The following CAMK1D variants were observed in gnomAD, a reference collection of about 807,000 sequenced individuals.
The protein encoded by CAMK1D is calcium/calmodulin dependent protein kinase ID.
Under a neutral mutation model 47.7 loss-of-function variants are expected in CAMK1D, and 9 were observed. That is an observed-to-expected ratio of 0.19 (90% CI 0.11 to 0.33). The LOEUF (loss-of-function observed/expected upper bound fraction) is 0.33. CAMK1D is among the 10% of genes least tolerant of loss of function. The pLI is 1.00. For missense variants in CAMK1D, 291 were observed against 488.7 expected (o/e 0.60, Z 3.81); for synonymous variants, 184 against 184.9 (o/e 0.99, Z 0.04).
chr10:12,413,609 G>A (rs113719496), intron 1 of CAMK1D, among the ~76,000 whole-genome samples: 9 of 88 alleles, frequency 0.1, no homozygotes, highest in African/African-American at 0.16. Context: ...GATGATGATG[G>A]TGATGCTAAT....
At chr10:12,449,574 T>A (rs1833021985) in intron 1 of CAMK1D, among the ~76,000 whole-genome samples, 1 of 150,042 alleles carries the variant, frequency 6.7e-6, no homozygotes, top group South Asian at 2.1e-4. Flanking sequence ...TGTATACATA[T>A]ATCAAAACAT....
chr10:12,659,157 G>A (rs1840202012), intron 2 of CAMK1D, among the ~76,000 whole-genome samples: 1 of 152,148 alleles, frequency 6.6e-6, no homozygotes, highest in South Asian at 2.1e-4. Context: ...TCCCCCTGTC[G>A]CACACCCTGC....
At chr10:12,422,051 C>T (rs370720733) in intron 1 of CAMK1D, among the ~76,000 whole-genome samples, 4 of 152,202 alleles carry the variant, frequency 2.6e-5, no homozygotes, top group South Asian at 4.1e-4. Context: ...TCAGGTGATC[C>T]GCCCGCCTTG....
chr10:12,747,870 G>A (rs918883447), intron 3 of CAMK1D, among the ~76,000 whole-genome samples: 5 of 152,104 alleles, frequency 3.3e-5, no homozygotes, highest in Admixed American at 1.3e-4. Context: ...TCGGGGTGGG[G>A]GACACCCTTT....
In CAMK1D at chr10:12,522,921, A is replaced by AC. The variant is rs1361703595; in HGVS notation, c.93-30298dup. 7.8e-5 allele frequency among the ~76,000 whole-genome samples: 7 copies of AC among 89,510 alleles called. 3 individuals are homozygous for AC. Among genetic ancestry groups the AC allele is most frequent in the East Asian group, 3.1e-4 (1 of 3,248 alleles). The allele number at this position is 89,510 out of a possible 152,430, so 58.7% of individuals were successfully genotyped here. Reference sequence around the variant, plus strand: ...GGGGCGGCTGGCCGGGCGGGGGCTGACCCCCCACCTGCCTCCCAGACGGGG... The same window carrying AC: ...GGGGCGGCTGGCCGGGCGGGGGCTGACCCCCCCACCTGCCTCCCAGACGGGG... On this transcript the variant is annotated intron_variant, in intron 1 of 10. Coordinates refer to ENST00000619168, the MANE Select transcript of CAMK1D (RefSeq NM_153498.4).
At chr10:12,355,487 C>T (rs1300606484) in intron 1 of CAMK1D, among the ~76,000 whole-genome samples, 3 of 148,224 alleles carry the variant, frequency 2.0e-5, no homozygotes, top group Admixed American at 6.8e-5. Context: ...CGCGCGCGTG[C>T]GTGTGTATGT....
In CAMK1D at chr10:12,440,908, A is replaced by G. The variant is rs147729365; in HGVS notation, c.92+90998A>G. Reference sequence around the variant, plus strand: ...TGCAGAAGCAGGGAGGTCACTCTCTAACCTTCTCTAACCCTTTTCCCCTAA... The same window carrying G: ...TGCAGAAGCAGGGAGGTCACTCTCTGACCTTCTCTAACCCTTTTCCCCTAA... On this transcript the variant is annotated intron_variant, in intron 1 of 10. Transcript: ENST00000619168. Among the ~76,000 whole-genome samples the G allele has an allele frequency of 8.9e-3, 1,359 of 152,328 alleles. 55 individuals carry two copies. Among genetic ancestry groups the G allele is most frequent in the Admixed American group, 0.06 (923 of 15,296 alleles).
intron 1 of CAMK1D, among the ~76,000 whole-genome samples, chr10:12,438,982 A>G (rs1832707554): frequency 6.6e-6 from 1 of 152,066 alleles, no homozygotes; most frequent in African/African-American, 2.4e-5. Flanking sequence ...TTTTCCCCAA[A>G]CCTCAGCTTT....
intron 1 of CAMK1D, among the ~76,000 whole-genome samples, chr10:12,465,763 T>C (rs1302183104): frequency 6.6e-6 from 1 of 152,192 alleles, no homozygotes; most frequent in Non-Finnish European, 1.5e-5. Flanking sequence ...TGCAGTGTGG[T>C]ATTACTCCAC....
chr10:12,673,129 C>T (rs1470747621), intron 3 of CAMK1D, among the ~76,000 whole-genome samples: 4 of 151,946 alleles, frequency 2.6e-5, no homozygotes, highest in Non-Finnish European at 4.4e-5. Flanking sequence ...AGGCAATCCT[C>T]CTGTCTCGGC....
chr10:12,827,723 C>G lies in CAMK1D; in HGVS notation c.1040-1046C>G, dbSNP rs573997382. 1.8e-4 allele frequency among the ~76,000 whole-genome samples: 27 copies of G among 150,944 alleles called. No homozygotes were observed. The South Asian group carries it at 5.3e-3, about 29-fold the overall frequency. On this transcript the variant is annotated intron_variant, in intron 10 of 10. Coordinates refer to ENST00000619168, the MANE Select transcript of CAMK1D (RefSeq NM_153498.4). ...TCTTCTTCTCTCTTTCTCTCACTCT[C>G]TGTCACCCAGACTGGAGTGCAGTGG...
At chr10:12,370,908 T>C (rs1013961036) in intron 1 of CAMK1D, among the ~76,000 whole-genome samples, 2 of 152,040 alleles carry the variant, frequency 1.3e-5, no homozygotes, top group Non-Finnish European at 2.9e-5. Context: ...GCACCCGGCC[T>C]TGTGTTTTAA....
chr10:12,824,170 G>T (rs1454602865), intron 8 of CAMK1D, among the ~76,000 whole-genome samples: 3 of 152,034 alleles, frequency 2.0e-5, no homozygotes, highest in Non-Finnish European at 4.4e-5. Flanking sequence ...CAGGAATTGG[G>T]GTCAAAGAAG....
chr10:12,741,048 A>G (rs12240378), intron 3 of CAMK1D, among the ~76,000 whole-genome samples: 1,845 of 152,314 alleles, frequency 0.012, 38 homozygotes, highest in African/African-American at 0.042. Context: ...GAGACTGAAA[A>G]TGTTGAATGC....
intron 6 of CAMK1D, among the ~76,000 whole-genome samples, chr10:12,793,700 C>A (rs1318894687): frequency 6.6e-6 from 1 of 152,090 alleles, no homozygotes; most frequent in Non-Finnish European, 1.5e-5. Context: ...CTTTTCTAAT[C>A]CAGTCACTGG....
intron 3 of CAMK1D, among the ~76,000 whole-genome samples, chr10:12,732,129 T>C (rs1372121585): frequency 6.6e-6 from 1 of 152,086 alleles, no homozygotes; most frequent in Non-Finnish European, 1.5e-5. Context: ...TAATCCCAAC[T>C]ACTCAGGAGG....
In CAMK1D at chr10:12,531,296, C is replaced by T. The variant is rs150259708; in HGVS notation, c.93-21929C>T. 8.5e-5 allele frequency among the ~76,000 whole-genome samples: 13 copies of T among 152,188 alleles called. No individual in the cohort carries two copies. In the East Asian group the frequency reaches 2.5e-3, roughly 29 times the overall value. On this transcript the variant is annotated intron_variant, in intron 1 of 10. Coordinates refer to ENST00000619168, the MANE Select transcript of CAMK1D (RefSeq NM_153498.4). ...AGAAATACGTAGTATATATTAAGGACCTAGTTAGGCACACAGCAAGGCTGG... is the reference window on the plus strand; with the variant it reads ...AGAAATACGTAGTATATATTAAGGATCTAGTTAGGCACACAGCAAGGCTGG...
chr10:12,580,741 G>T (rs1349926249), intron 2 of CAMK1D, among the ~76,000 whole-genome samples: 2 of 152,178 alleles, frequency 1.3e-5, no homozygotes, highest in Non-Finnish European at 2.9e-5. Flanking sequence ...CCCAGGAATG[G>T]CCAATGGTGG....
intron 2 of CAMK1D, among the ~76,000 whole-genome samples, chr10:12,555,407 T>G (rs1836729155): frequency 6.6e-6 from 1 of 152,204 alleles, no homozygotes; most frequent in Admixed American, 6.5e-5. Flanking sequence ...GCTTAAGGGT[T>G]TTGCTTATTT....
Sources: allele counts gnomAD v4.1 joint callset (sites outside exome capture counted in the v4.1 genomes callset), GRCh38; gene constraint gnomAD v4.1.1; transcripts MANE v1.5; gene names NCBI Gene and HGNC (gene_info 2026-07-23, HGNC 2026-07-21).